The following ATP9B variants were observed in gnomAD, a reference collection of about 807,000 sequenced individuals.
ATP9B encodes probable phospholipid-transporting ATPase IIB.
ATP9B carries 110 observed loss-of-function variants against 146.1 expected under a neutral mutation model. The observed-to-expected ratio is 0.75, with a 90% CI of 0.65 to 0.88. ATP9B has a LOEUF of 0.88. Ranked by LOEUF, ATP9B falls within the 40% of genes least tolerant of loss-of-function variation. The probability of loss-of-function intolerance (pLI) is 0.00; values close to 1 mark genes in which losing one functional copy is unlikely to be tolerated. For synonymous variants in ATP9B, 604 were observed against 569.7 expected (o/e 1.06, Z -0.86); for missense variants, 1,499 against 1,496.4 (o/e 1.00, Z -0.03).
In ATP9B at chr18:79,348,161, A is replaced by G. The variant is rs150846493; in HGVS notation, c.2868A>G (p.Ala956=). The G allele has an allele frequency of 1.1e-5, 17 of 1,610,424 alleles. No individual in the cohort carries two copies. In the African/African-American group the frequency reaches 1.9e-4, roughly 18 times the overall value. Residue 956 remains alanine, a synonymous_variant, in exon 25 of 30, where the codon GCA becomes GCG. Coordinates refer to ENST00000426216, the MANE Select transcript of ATP9B (RefSeq NM_198531.5). The part of the protein sequence containing the change: ...QAVFSSVFYF[A]SVPLYQGFLM... ...TGTTTTCCTCAGTCTTCTACTTCGC[A>G]TCCGTCCCTTTGTATCAGGGCTTCC...
intron 15 of ATP9B, among the ~76,000 whole-genome samples, chr18:79,317,605 A>G (rs2096688448): frequency 6.6e-6 from 1 of 152,228 alleles, no homozygotes; most frequent in African/African-American, 2.4e-5. Context: ...GATAATAGCC[A>G]AAAGTCAAGA....
intron 8 of ATP9B, among the ~76,000 whole-genome samples, chr18:79,178,480 C>T (rs550710864): frequency 6.6e-6 from 1 of 152,144 alleles, no homozygotes; most frequent in Admixed American, 6.5e-5. Context: ...AAGCATTCCG[C>T]CTTGATGTAT....
chr18:79,133,203 G>A (rs1440801059), intron 5 of ATP9B, among the ~76,000 whole-genome samples: 1 of 152,048 alleles, frequency 6.6e-6, no homozygotes, highest in African/African-American at 2.4e-5. Context: ...TTCTTGAAGT[G>A]TACTTAAATC....
At chr18:79,347,267 G>A (rs915612050) in intron 23 of ATP9B, among the ~76,000 whole-genome samples, 5 of 152,236 alleles carry the variant, frequency 3.3e-5, no homozygotes, top group African/African-American at 9.6e-5. Context: ...TCAAGCAAGC[G>A]TGGCTTTTTC....
intron 4 of ATP9B, among the ~76,000 whole-genome samples, chr18:79,123,373 G>A (rs969873722): frequency 4.0e-5 from 6 of 151,886 alleles, no homozygotes; most frequent in African/African-American, 1.2e-4. Flanking sequence ...CATAATGAAA[G>A]CTATAAAAGA....
intron 11 of ATP9B, among the ~76,000 whole-genome samples, chr18:79,227,693 C>T (rs2095750317): frequency 6.6e-6 from 1 of 152,212 alleles, no homozygotes; most frequent in African/African-American, 2.4e-5. Flanking sequence ...CTCAGCATCT[C>T]ACCTCCCCCC....
chr18:79,150,139 G>A (rs966252728), intron 6 of ATP9B, among the ~76,000 whole-genome samples: 5 of 151,950 alleles, frequency 3.3e-5, no homozygotes, highest in Non-Finnish European at 1.5e-5. Context: ...TAGTCATCAG[G>A]AAATGCAAAT....
chr18:79,356,174 G>A (rs1431334337), intron 25 of ATP9B, among the ~76,000 whole-genome samples: 2 of 152,198 alleles, frequency 1.3e-5, no homozygotes. Context: ...ACAGAGACCA[G>A]GTTAGACCAC....
intron 17 of ATP9B, 123 bp from the exon 18 acceptor site, chr18:79,336,505 T>G: frequency 1.3e-6 from 1 of 793,024 alleles, no homozygotes; most frequent in East Asian, 2.7e-5. Flanking sequence ...GCCTTGGTGA[T>G]GAAGGTGGGC....
At chr18:79,070,282 T>G (rs1320949150) in intron 1 of ATP9B, among the ~76,000 whole-genome samples, 1 of 152,260 alleles carries the variant, frequency 6.6e-6, no homozygotes, top group East Asian at 1.9e-4. Context: ...CAATATGTAG[T>G]TGCTTCAGAA....
At chr18:79,226,143 C>T (rs184043261) in intron 11 of ATP9B, among the ~76,000 whole-genome samples, 10 of 152,358 alleles carry the variant, frequency 6.6e-5, no homozygotes, top group Non-Finnish European at 1.3e-4. Flanking sequence ...GCCGCCCTCT[C>T]TTCCTGCTCC....
At chr18:79,217,622 A>G (rs755184533) in intron 11 of ATP9B, among the ~76,000 whole-genome samples, 1 of 152,252 alleles carries the variant, frequency 6.6e-6, no homozygotes, top group Non-Finnish European at 1.5e-5. Context: ...ACACTGGGCG[A>G]AAGGTAACAT....
At chr18:79,170,703 G>T (rs1600137366) in intron 7 of ATP9B, among the ~76,000 whole-genome samples, 1 of 152,100 alleles carries the variant, frequency 6.6e-6, no homozygotes, top group Non-Finnish European at 1.5e-5. Flanking sequence ...GTGTGTGAAA[G>T]CCCCCTTCTG....
intron 9 of ATP9B, among the ~76,000 whole-genome samples, chr18:79,201,466 G>A (rs1050224034): frequency 2.6e-5 from 4 of 152,140 alleles, no homozygotes; most frequent in African/African-American, 9.7e-5. Context: ...GAACAAATTG[G>A]CTGGGCATGG....
chr18:79,253,114 C>T (rs905468815), intron 11 of ATP9B, among the ~76,000 whole-genome samples: 5 of 152,194 alleles, frequency 3.3e-5, no homozygotes, highest in African/African-American at 1.2e-4. Flanking sequence ...CGGTGACCAG[C>T]GCGCCACCCT....
intron 5 of ATP9B, among the ~76,000 whole-genome samples, chr18:79,129,672 A>G (rs2094345302): frequency 6.6e-6 from 1 of 152,242 alleles, no homozygotes; most frequent in Non-Finnish European, 1.5e-5. Flanking sequence ...ATGTAACAAT[A>G]AAATCAACCA....
intron 15 of ATP9B, among the ~76,000 whole-genome samples, chr18:79,308,695 G>A: frequency 6.9e-6 from 1 of 144,710 alleles, no homozygotes; most frequent in Non-Finnish European, 1.5e-5. Context: ...TCCCCAGCAG[G>A]TAGAAGGTCA....
chr18:79,306,448 A>G (rs1437292689), intron 14 of ATP9B, among the ~76,000 whole-genome samples: 1 of 152,162 alleles, frequency 6.6e-6, no homozygotes, highest in Non-Finnish European at 1.5e-5. Flanking sequence ...TTTCCTCTGA[A>G]TGCAACTTAG....
intron 9 of ATP9B, among the ~76,000 whole-genome samples, chr18:79,200,476 A>G (rs569248905): frequency 9.2e-5 from 14 of 152,218 alleles, no homozygotes; most frequent in Non-Finnish European, 2.1e-4. Context: ...GACCCCATTG[A>G]TAGATACAGG....
Sources: allele counts gnomAD v4.1 joint callset (sites outside exome capture counted in the v4.1 genomes callset), GRCh38; gene constraint gnomAD v4.1.1; transcripts MANE v1.5; gene names NCBI Gene and HGNC (gene_info 2026-07-23, HGNC 2026-07-21).